Variants in PLXNB1 observed in about 807,000 individuals in gnomAD.
PLXNB1 encodes the protein plexin B1.
A neutral mutation model predicts 209.4 loss-of-function variants in PLXNB1; 106 were observed. That is an observed-to-expected ratio of 0.51 (90% confidence interval 0.43 to 0.59). The LOEUF (loss-of-function observed/expected upper bound fraction) is 0.59. Ranked by LOEUF, PLXNB1 falls within the 20% of genes least tolerant of loss-of-function variation. The probability of loss-of-function intolerance (pLI) is 0.00; values close to 1 mark genes in which losing one functional copy is unlikely to be tolerated. For missense variants in PLXNB1, 2,357 were observed against 2,853.2 expected (o/e 0.83, Z 3.96); for synonymous variants, 1,167 against 1,183.2 (o/e 0.99, Z 0.28).
Position 48,413,050 on chromosome 3 carries a change from C to T in PLXNB1, c.4636+19G>A, listed in dbSNP as rs751439076. 1.9e-6 allele frequency: 3 copies of T among 1,608,670 alleles called. No homozygotes were observed. Among genetic ancestry groups the T allele is most frequent in the Non-Finnish European group, 2.6e-6 (3 of 1,175,128 alleles). ...TTGGGCAGAGTTCTGGAGGGCGGGG[C>T]CCATTCTCTCAGCCACACCTGTGAA... is the stretch of plus-strand genomic sequence containing the variant. On this transcript the variant is annotated intron_variant, in intron 24 of 37. Coordinates refer to ENST00000296440, the MANE Select transcript of PLXNB1 (RefSeq NM_001130082.3). This position sits in a 1 kb window ranked among gnomAD's most constrained non-coding sequence, Gnocchi z 5.4.
Position 48,405,764 on chromosome 3 carries a change from A to G in PLXNB1, c.6263T>C (p.Leu2088Pro). Reference protein sequence around the residue: ...YSGDLGARVALHELYKYINKY... With the variant: ...YSGDLGARVAPHELYKYINKY... ...GTTGATGTACTTGTAGAGTTCATGCAGGGCCACTCGCGCCCCGAGGTCTCC... is the reference window on the plus strand; with the variant it reads ...GTTGATGTACTTGTAGAGTTCATGCGGGGCCACTCGCGCCCCGAGGTCTCC... Residue 2088 changes from leucine (L) to proline (P), a missense_variant, in exon 37 of 38, where the codon CTG (leucine) becomes CCG (proline). Physicochemically the swap from Leu to Pro is moderately conservative, Grantham distance 98. Around this residue, in one of 7 missense-constraint regions of PLXNB1, gnomAD observed 414 missense variants for 520.5 expected, o/e 0.80. Transcript: ENST00000296440. The surrounding 1 kb of genome is among the most constrained non-coding windows in gnomAD (Gnocchi z 5.0). 6.2e-7 allele frequency: 1 copy of G among 1,613,824 alleles called. No individual in the cohort carries two copies. Among genetic ancestry groups the G allele is most frequent in the Non-Finnish European group, 8.5e-7 (1 of 1,179,880 alleles).
rs2037534420 is a variant in PLXNB1 at position 48,409,641 on chromosome 3, G to A, written c.5869C>T (p.Leu1957=). The A allele has an allele frequency of 3.1e-6, 5 of 1,614,010 alleles. No homozygotes were observed. The highest frequency in any genetic ancestry group is 4.2e-6 in the Non-Finnish European group (5 of 1,180,010). The change falls in exon 33 of 38, where the codon CTG becomes TTG. Residue 1957 remains leucine (L), a synonymous_variant. Transcript: ENST00000296440. The surrounding 1 kb of genome is among the most constrained non-coding windows in gnomAD (Gnocchi z 5.8). ...TGCTGCTGGGCCTGCTCATCCAGCAGGTCAAAGAAGTACTTCACAGCGAGC... is the reference window on the plus strand; with the variant it reads ...TGCTGCTGGGCCTGCTCATCCAGCAAGTCAAAGAAGTACTTCACAGCGAGC... The part of the protein sequence containing the change: ...VPLAVKYFFD[L]LDEQAQQHGI...
chr3:48,423,614 G>C lies in PLXNB1; in HGVS notation c.998C>G (p.Ala333Gly), dbSNP rs1277091060. 1 of 1,614,220 alleles carries C rather than the reference G, an allele frequency of 6.2e-7. No homozygotes were observed. The highest frequency in any genetic ancestry group is 8.5e-7 in the Non-Finnish European group (1 of 1,180,048). Residue 333 changes from alanine to glycine, a missense_variant, in exon 3 of 38, where the codon GCT (alanine) becomes GGT (glycine). Coordinates refer to ENST00000296440, the MANE Select transcript of PLXNB1 (RefSeq NM_001130082.3). ...GTAGCAGGCATCTCGCGTGCGATTA[G>C]CAAGCCGGTCCACCTCATCCAGGGG... ...AFPLDEVDRL[A>G]NRTRDACYTR...
rs776036617 is a variant in PLXNB1, at chr3:48,423,909, G to A, written c.703C>T (p.Arg235Trp). The change falls in exon 3 of 38, where the codon CGG becomes TGG. Residue 235 changes from arginine (R) to tryptophan (W), a missense_variant. Arg to Trp is a moderately radical substitution (Grantham distance 101). Coordinates refer to ENST00000296440, the MANE Select transcript of PLXNB1 (RefSeq NM_001130082.3). ...GCTCTAGACTGAGCCTGCAGGTCCC[G>A]CCGCAGGAACAGGAAGTAGGCGCTG... ...GASAYFLFLR[R>W]DLQAQSRAFR... The A allele has an allele frequency of 6.2e-6, 10 of 1,614,150 alleles. No homozygotes were observed. The highest frequency in any genetic ancestry group is 4.2e-6 in the Non-Finnish European group (5 of 1,180,026).
chr3:48,409,488 G>A lies in PLXNB1; in HGVS notation c.5940-12C>T, dbSNP rs1358318256. 49 of 1,614,002 alleles carry A rather than the reference G, an allele frequency of 3.0e-5. No individual in the cohort carries two copies. Among genetic ancestry groups the A allele is most frequent in the Non-Finnish European group, 3.9e-5 (46 of 1,180,038 alleles). ...ACCTCAGAGGCAAGCTGCGGGTGGG[G>A]CAGGCATGGCCGATGAATGTGCTGG... On this transcript the variant is annotated splice_polypyrimidine_tract_variant and intron_variant, in intron 33 of 37. Transcript: ENST00000296440. This position sits in a 1 kb window ranked among gnomAD's most constrained non-coding sequence, Gnocchi z 5.8.
In PLXNB1 at chr3:48,424,309, G is replaced by A. The variant is rs144252949; in HGVS notation, c.303C>T (p.Leu101=). ...CCACCAGGGCCCCTGGGCTCACCAG[G>A]AGCAGCTGATTCGGGTTGTTGGTAG... ...AQPTNNPNQL[L]LVSPGALVVC... Residue 101 remains leucine, a synonymous_variant, in exon 3 of 38, where the codon CTC becomes CTT. Coordinates refer to ENST00000296440, the MANE Select transcript of PLXNB1 (RefSeq NM_001130082.3). 1.3e-6 allele frequency: 2 copies of A among 1,565,592 alleles called. No homozygotes were observed. Among genetic ancestry groups the A allele is most frequent in the Admixed American group, 1.9e-5 (1 of 52,566 alleles).
rs142171237 is a variant in PLXNB1 at position 48,424,652 on chromosome 3, C to T, written c.-6-35G>A. 46 of 1,524,086 alleles carry T rather than the reference C, an allele frequency of 3.0e-5. No homozygotes were observed. The Admixed American group carries it at 5.1e-4, about 17-fold the overall frequency. The allele number at this position is 1,524,086 out of a possible 1,614,324, so 94.4% of individuals were successfully genotyped here. A position where few individuals can be genotyped will look rare whatever the true frequency, so the allele number is the denominator to read the frequency against. On this transcript the variant is annotated intron_variant, in intron 2 of 37. Coordinates refer to ENST00000296440, the MANE Select transcript of PLXNB1 (RefSeq NM_001130082.3). ...AGAGAGGTCGAGAGAGTGGGGCTCA[C>T]GTGGCCGCCAGAGCACCCTGGGGCC...
rs774347842 is a variant in PLXNB1 at position 48,419,736 on chromosome 3, G to A, written c.2550C>T (p.Pro850=). The A allele has an allele frequency of 5.0e-6, 8 of 1,610,482 alleles. No homozygotes were observed. The highest frequency in any genetic ancestry group is 2.7e-5 in the African/African-American group (2 of 74,906). Residue 850 remains proline (P), a synonymous_variant, in exon 11 of 38, where the codon CCC becomes CCT. Transcript: ENST00000296440. The surrounding 1 kb of genome is among the most constrained non-coding windows in gnomAD (Gnocchi z 5.7). ...CACCCCCCGTCCACTCGTCCGCCTC[G>A]GGCAGCTCGCCGCCTTCTCTCGTGA... ...DWLTREGGEL[P]EADEWTGGDA...
At chr3:48,412,196 A>C (rs1575385027) in intron 27 of PLXNB1, 42 bp downstream of exon 27, 1 of 1,588,390 alleles carries the variant, frequency 6.3e-7, no homozygotes. Context: ...GGAGGGCCTG[A>C]CCCTCCCTGG....
chr3:48,410,987 C>G lies in PLXNB1; in HGVS notation c.5297G>C (p.Gly1766Ala), dbSNP rs762599038. The G allele has an allele frequency of 1.9e-6, 3 of 1,613,680 alleles. No individual in the cohort carries two copies. Among genetic ancestry groups the G allele is most frequent in the Admixed American group, 1.7e-5 (1 of 59,996 alleles). The change falls in exon 29 of 38, where the codon GGC becomes GCC. Residue 1766 changes from glycine to alanine, a missense_variant. This residue lies in a region of PLXNB1 where 414 missense variants were observed against 520.5 expected (regional missense o/e 0.80). Transcript: ENST00000296440. The surrounding 1 kb of genome is among the most constrained non-coding windows in gnomAD (Gnocchi z 6.4). Reference protein sequence around the residue: ...AVGPGAGEAQGVPVKVLDCDT... With the variant: ...AVGPGAGEAQAVPVKVLDCDT... The stretch of plus-strand genomic sequence containing the variant: ...ACAGTCTAGGACCTTCACGGGCACG[C>G]CCTGGGCCTCTCCTGCCCCAGGCCC...
chr3:48,406,672 G>A lies in PLXNB1; in HGVS notation c.6228+151C>T. ...GAGCCCTGGTCTTTCAGTGGCAGTT[G>A]GAACATTCTGCATTTATGTTTCCTG... On this transcript the variant is annotated intron_variant, in intron 36 of 37. Transcript: ENST00000296440. The surrounding 1 kb of genome is among the most constrained non-coding windows in gnomAD (Gnocchi z 4.4). The A allele has an allele frequency of 7.0e-7, 1 of 1,430,622 alleles. No homozygotes were observed. Among genetic ancestry groups the A allele is most frequent in the Non-Finnish European group, 9.1e-7 (1 of 1,093,830 alleles). 88.6% of individuals were successfully genotyped at this position (1,430,622 alleles called of 1,614,324 possible).
Position 48,413,580 on chromosome 3 carries a change from T to C in PLXNB1, c.4535+90A>G. ...TTACTCTCTGGCCATTTACAGAGAA[T>C]GTTTCCTGACTCCTGGCCCGGTCTG... is the stretch of plus-strand genomic sequence containing the variant. On this transcript the variant is annotated intron_variant, in intron 23 of 37. Transcript: ENST00000296440. This position sits in a 1 kb window ranked among gnomAD's most constrained non-coding sequence, Gnocchi z 5.4. 8 of 1,333,372 alleles carry C rather than the reference T, an allele frequency of 6.0e-6. No homozygotes were observed. The South Asian group carries it at 1.2e-4, about 20-fold the overall frequency. 82.6% of individuals were successfully genotyped at this position (1,333,372 alleles called of 1,614,324 possible).
chr3:48,416,099 A>G lies in PLXNB1; in HGVS notation c.3549T>C (p.Asn1183=). ...GCCGCCCAGTCAGGAGCTTGGAGCCATTCAGGGTGAGACGGGTGCCCCCAG... is the reference window on the plus strand; with the variant it reads ...GCCGCCCAGTCAGGAGCTTGGAGCCGTTCAGGGTGAGACGGGTGCCCCCAG... ...PRAGGTRLTL[N]GSKLLTGRLE... The change falls in exon 18 of 38, where the codon AAT becomes AAC. Residue 1183 remains asparagine, a synonymous_variant. Coordinates refer to ENST00000296440, the MANE Select transcript of PLXNB1 (RefSeq NM_001130082.3). The surrounding 1 kb of genome is among the most constrained non-coding windows in gnomAD (Gnocchi z 4.1). The G allele has an allele frequency of 1.2e-6, 2 of 1,600,626 alleles. No homozygotes were observed. Among genetic ancestry groups the G allele is most frequent in the East Asian group, 4.5e-5 (2 of 44,370 alleles).
At position 48,420,078 on chromosome 3, in the gene PLXNB1, C is replaced by A. The variant is rs748932836; in HGVS notation, c.2208G>T (p.Trp736Cys). The change falls in exon 11 of 38, where the codon TGG (tryptophan) becomes TGT (cysteine). Residue 736 changes from tryptophan (W) to cysteine (C), a missense_variant. Physicochemically the swap from Trp to Cys is radical, Grantham distance 215. This residue lies in a region of PLXNB1 where 410 missense variants were observed against 401.0 expected (regional missense o/e 1.02). Transcript: ENST00000296440. Reference sequence around the variant, plus strand: ...TGGAGCCAGAACCTGCCCATGGCCCCCAGGGGCTGAGCAGGGAAGGACTAG... The same window carrying A: ...TGGAGCCAGAACCTGCCCATGGCCCACAGGGGCTGAGCAGGGAAGGACTAG... ...PGASPSLLSP[W>C]GPWAGSGSIS... The A allele has an allele frequency of 6.2e-7, 1 of 1,613,566 alleles. No individual in the cohort carries two copies. Among genetic ancestry groups the A allele is most frequent in the Admixed American group, 1.7e-5 (1 of 60,012 alleles).
At chr3:48,407,183 C>G (rs2106727869) in intron 34 of PLXNB1, 92 bp from the exon 35 acceptor site, 1 of 1,202,416 alleles carries the variant, frequency 8.3e-7, no homozygotes, top group East Asian at 2.4e-5. Context: ...CCCAGTACTG[C>G]TTCAGTTTTG....
In PLXNB1 at chr3:48,424,201, A is replaced by C. The variant is rs1255003212; in HGVS notation, c.411T>G (p.Pro137=). 6.3e-7 allele frequency: 1 copy of C among 1,596,020 alleles called. No homozygotes were observed. The highest frequency in any genetic ancestry group is 1.7e-5 in the Admixed American group (1 of 58,700). The change falls in exon 3 of 38, where the codon CCT becomes CCG. Residue 137 remains proline (P), a synonymous_variant. Coordinates refer to ENST00000296440, the MANE Select transcript of PLXNB1 (RefSeq NM_001130082.3). ...TGGCAGCCACATATTGTGTGTCCCC[A>C]GGCCGCTCTGGCCGCAGCAGCAGCT... ...LEQLLLRPER[P]GDTQYVAAND...
Position 48,409,182 on chromosome 3 carries a change from G to T in PLXNB1, c.6087+147C>A. On this transcript the variant is annotated intron_variant, in intron 34 of 37. Coordinates refer to ENST00000296440, the MANE Select transcript of PLXNB1 (RefSeq NM_001130082.3). This position sits in a 1 kb window ranked among gnomAD's most constrained non-coding sequence, Gnocchi z 5.8. The stretch of plus-strand genomic sequence containing the variant: ...CTCTTGCTCATCCCTTAAAACTGAG[G>T]TGGCCCCGGGATGAAGCCTTGGCTT... 1 of 862,052 alleles carries T rather than the reference G, an allele frequency of 1.2e-6. No individual in the cohort carries two copies. The highest frequency in any genetic ancestry group is 1.8e-6 in the Non-Finnish European group (1 of 563,892). 53.4% of individuals were successfully genotyped at this position (862,052 alleles called of 1,614,324 possible).
At chr3:48,422,994 C>T in intron 3 of PLXNB1, 47 bp from the exon 4 acceptor site, 1 of 1,554,374 alleles carries the variant, frequency 6.4e-7, no homozygotes, top group South Asian at 1.1e-5. Context: ...GGATAACCTC[C>T]TCGGCCGCAT....
chr3:48,413,288 C>T lies in PLXNB1; in HGVS notation c.4536-119G>A. On this transcript the variant is annotated intron_variant, in intron 23 of 37. Transcript: ENST00000296440. This position sits in a 1 kb window ranked among gnomAD's most constrained non-coding sequence, Gnocchi z 5.4. Reference sequence around the variant, plus strand: ...GCACAGTCCAATGCAGCCATGCCAGCCAAGCTCAAGCCTAGCCCAGTACGA... The same window carrying T: ...GCACAGTCCAATGCAGCCATGCCAGTCAAGCTCAAGCCTAGCCCAGTACGA... The T allele has an allele frequency of 1.2e-6, 1 of 810,330 alleles. No individual in the cohort carries two copies. The highest frequency in any genetic ancestry group is 2.1e-6 in the Non-Finnish European group (1 of 484,576). 50.2% of individuals were successfully genotyped at this position (810,330 alleles called of 1,614,324 possible).
Sources: allele counts gnomAD v4.1 joint callset, GRCh38; gene constraint gnomAD v4.1.1; regional missense constraint gnomAD v4.1.1; non-coding constraint Gnocchi (gnomAD v3.1); transcripts MANE v1.5; gene names NCBI Gene and HGNC (gene_info 2026-07-23, HGNC 2026-07-21).